The following PRKAR2B variants were observed in gnomAD, a reference collection of about 807,000 sequenced individuals.
The protein encoded by PRKAR2B is protein kinase cAMP-dependent type II regulatory subunit beta, also known as cAMP-dependent protein kinase type II-beta regulatory subunit.
PRKAR2B carries 14 observed loss-of-function variants against 49.9 expected under a neutral mutation model. The ratio of observed to expected loss-of-function variants is 0.28; its 90% CI spans 0.19 to 0.44. The LOEUF is 0.44. PRKAR2B is among the 20% of genes least tolerant of loss of function. The pLI, the probability that PRKAR2B is intolerant of heterozygous loss-of-function variation, is 1.00. For missense variants in PRKAR2B, 393 were observed against 537.9 expected, an observed-to-expected ratio of 0.73 and a Z score of 2.67; for synonymous variants, 196 against 197.7, an observed-to-expected ratio of 0.99 and a Z score of 0.07.
intron 6 of PRKAR2B, among the ~76,000 whole-genome samples, chr7:107,149,457 G>A (rs1279616442): frequency 2.6e-5 from 4 of 151,948 alleles, no homozygotes; most frequent in Non-Finnish European, 5.9e-5. Flanking sequence ...GTCTGGTGAG[G>A]GCTTGTTTTC....
intron 1 of PRKAR2B, among the ~76,000 whole-genome samples, chr7:107,057,084 T>A (rs1793931205): frequency 6.6e-6 from 1 of 152,202 alleles, no homozygotes. Flanking sequence ...TCTTTTTGCG[T>A]TTCCTCATCA....
rs79273755 is a variant in PRKAR2B, at chr7:107,050,959, G to T, written c.307+5745G>T. On this transcript the variant is annotated intron_variant, in intron 1 of 10. Transcript: ENST00000265717. ...AGTCCTTTTGCCTCAGCTTCCGAAA[G>T]TGTTGGAATTAGAGGCGTGAGCCAC... Among the ~76,000 whole-genome samples the T allele has an allele frequency of 9.2e-3, 1,407 of 152,308 alleles. 30 individuals are homozygous for T. Among genetic ancestry groups the T allele is most frequent in the Admixed American group, 0.04 (613 of 15,296 alleles).
intron 2 of PRKAR2B, among the ~76,000 whole-genome samples, chr7:107,106,099 G>T (rs920330971): frequency 2.6e-5 from 4 of 152,176 alleles, no homozygotes; most frequent in African/African-American, 9.7e-5. Context: ...GTCTACATTA[G>T]TGTATTTCCT....
At chr7:107,055,669 TTTC>T (rs1793898521) in intron 1 of PRKAR2B, among the ~76,000 whole-genome samples, 1 of 152,262 alleles carries the variant, frequency 6.6e-6, no homozygotes, top group African/African-American at 2.4e-5. Context: ...TGGTTGATTT[TTTC>T]TTGTAAATTT....
chr7:107,097,869 C>T (rs1046268248), intron 2 of PRKAR2B, among the ~76,000 whole-genome samples: 18 of 152,210 alleles, frequency 1.2e-4, no homozygotes, highest in East Asian at 1.9e-4. Context: ...GAGTTTCTGC[C>T]GAGAGATCCA....
At chr7:107,092,025 G>A (rs1407825711) in intron 2 of PRKAR2B, 1 of 152,162 alleles carries the variant, frequency 6.6e-6, no homozygotes, top group East Asian at 1.9e-4. Context: ...GGAATGGGTA[G>A]TGGAAGGAAT....
At chr7:107,112,477 A>G (rs1027723175) in intron 2 of PRKAR2B, among the ~76,000 whole-genome samples, 3 of 152,270 alleles carry the variant, frequency 2.0e-5, no homozygotes, top group Admixed American at 6.5e-5. Flanking sequence ...ACAAATTAAA[A>G]TAAATATCCA....
At chr7:107,147,091 C>T (rs1157629398) in intron 6 of PRKAR2B, among the ~76,000 whole-genome samples, 3 of 151,822 alleles carry the variant, frequency 2.0e-5, no homozygotes, top group African/African-American at 7.3e-5. Flanking sequence ...TTTTAAAATC[C>T]TCTTACCTAG....
At chr7:107,084,722 G>A (rs533466838) in intron 2 of PRKAR2B, among the ~76,000 whole-genome samples, 32 of 151,134 alleles carry the variant, frequency 2.1e-4, no homozygotes, top group Admixed American at 1.7e-3. Context: ...CCGGGTTCAC[G>A]CCATTCTCCT....
chr7:107,092,095 C>G (rs1330634295), intron 2 of PRKAR2B, among the ~76,000 whole-genome samples: 1 of 152,020 alleles, frequency 6.6e-6, no homozygotes, highest in Non-Finnish European at 1.5e-5. Context: ...AGTGAATAGT[C>G]TAATAAGGTT....
In PRKAR2B at chr7:107,065,313, G is replaced by GGT. The variant is rs1353262616; in HGVS notation, c.308-4961_308-4960dup. ...TTGTTTTTTATTTTTGTTTGCTCGG[G>GGT]GTGTGTGTATGTGTGTGTGTGTGTG... On this transcript the variant is annotated intron_variant, in intron 1 of 10. Transcript: ENST00000265717. Among the ~76,000 whole-genome samples the GGT allele has an allele frequency of 9.7e-4, 126 of 130,380 alleles. 1 individual carries two copies. The highest frequency in any genetic ancestry group is 3.1e-3 in the African/African-American group (105 of 34,288). 85.5% of individuals were successfully genotyped at this position (130,380 alleles called of 152,430 possible). A position where few individuals can be genotyped will look rare whatever the true frequency, so the allele number is the denominator to read the frequency against.
chr7:107,094,223 A>G (rs1029282823), intron 2 of PRKAR2B, among the ~76,000 whole-genome samples: 16 of 152,134 alleles, frequency 1.1e-4, no homozygotes, highest in Non-Finnish European at 2.2e-4. Flanking sequence ...GTGAGATGGT[A>G]TCTCATTGTG....
intron 1 of PRKAR2B, among the ~76,000 whole-genome samples, chr7:107,055,521 G>A (rs1793894867): frequency 1.3e-5 from 2 of 152,222 alleles, no homozygotes; most frequent in African/African-American, 4.8e-5. Context: ...GGTGTGAGAT[G>A]GTATCTCATT....
intron 1 of PRKAR2B, among the ~76,000 whole-genome samples, chr7:107,065,324 G>A (rs2707376): frequency 0.048 from 196 of 4,062 alleles, 12 homozygotes; most frequent in South Asian, 0.1. Flanking sequence ...GTGTGTGTAT[G>A]TGTGTGTGTG....
chr7:107,061,555 A>T (rs1458626754), intron 1 of PRKAR2B, among the ~76,000 whole-genome samples: 1 of 152,224 alleles, frequency 6.6e-6, no homozygotes, highest in Non-Finnish European at 1.5e-5. Context: ...GGTAAAGTTC[A>T]ATAATAAGAA....
intron 1 of PRKAR2B, among the ~76,000 whole-genome samples, chr7:107,053,615 A>G (rs1009124609): frequency 3.3e-5 from 5 of 151,498 alleles, no homozygotes; most frequent in African/African-American, 7.3e-5. Flanking sequence ...ACTCAACAGA[A>G]GTTGGCAGAA....
chr7:107,061,694 A>T (rs183581772), intron 1 of PRKAR2B, among the ~76,000 whole-genome samples: 17 of 152,306 alleles, frequency 1.1e-4, no homozygotes, highest in Non-Finnish European at 2.2e-4. Context: ...ACTTGAGGTC[A>T]GCAGTTTGAG....
chr7:107,062,291 G>T (rs768623172), intron 1 of PRKAR2B, among the ~76,000 whole-genome samples: 2 of 152,090 alleles, frequency 1.3e-5, no homozygotes, highest in Non-Finnish European at 2.9e-5. Context: ...TTTTTTCAAT[G>T]AATATTACCA....
intron 1 of PRKAR2B, among the ~76,000 whole-genome samples, chr7:107,060,997 T>G (rs188230678): frequency 1.3e-5 from 2 of 152,246 alleles, no homozygotes; most frequent in African/African-American, 4.8e-5. Context: ...ACTCATTTTT[T>G]CCCCCACTGA....
Sources: gnomAD v4.1 joint callset for allele counts (sites outside exome capture counted in the v4.1 genomes callset) on GRCh38, gnomAD v4.1.1 for gene constraint, MANE v1.5 for transcripts, NCBI Gene and HGNC (gene_info 2026-07-23, HGNC 2026-07-21) for gene names.